Variants in DMRT1 observed in about 807,000 individuals in gnomAD.
DMRT1 encodes doublesex- and mab-3-related transcription factor 1.
DMRT1 carries 7 observed loss-of-function variants against 32.3 expected under a neutral mutation model. The observed-to-expected ratio is 0.22, with a 90% confidence interval of 0.12 to 0.41. DMRT1 has a LOEUF of 0.41. Ranked by LOEUF, DMRT1 falls within the 10% of genes least tolerant of loss-of-function variation. DMRT1 has a pLI of 1.00. For missense variants in DMRT1, 625 were observed against 500.5 expected (o/e 1.25, Z -2.37); for synonymous variants, 278 against 206.1 (o/e 1.35, Z -2.99).
chr9:873,021 G>GA (rs1816340154), intron 2 of DMRT1, among the ~76,000 whole-genome samples: 1 of 152,184 alleles, frequency 6.6e-6, no homozygotes, highest in South Asian at 2.1e-4. Context: ...AACACTCACA[G>GA]ACACACCCCA....
At chr9:929,023 T>C (rs1006789772) in intron 4 of DMRT1, among the ~76,000 whole-genome samples, 7 of 151,690 alleles carry the variant, frequency 4.6e-5, no homozygotes, top group Non-Finnish European at 7.4e-5. Flanking sequence ...ATTTTTAGTA[T>C]AGATGGGGTT....
At chr9:907,849 GTGT>G (rs925768929) in intron 3 of DMRT1, among the ~76,000 whole-genome samples, 31 of 151,708 alleles carry the variant, frequency 2.0e-4, no homozygotes, top group Non-Finnish European at 4.3e-4. Flanking sequence ...GTGTGTGTGT[GTGT>G]GTGTGTTATA....
At chr9:889,820 A>C (rs936192695) in intron 2 of DMRT1, among the ~76,000 whole-genome samples, 4 of 152,142 alleles carry the variant, frequency 2.6e-5, no homozygotes, top group African/African-American at 9.6e-5. Context: ...CTTAAGTGGG[A>C]GGTATTCAGT....
At chr9:927,221 G>A (rs758574942) in intron 4 of DMRT1, among the ~76,000 whole-genome samples, 9 of 152,168 alleles carry the variant, frequency 5.9e-5, no homozygotes, top group African/African-American at 1.4e-4. Flanking sequence ...TCTTTCGGCC[G>A]GCCGCTGTCT....
intron 4 of DMRT1, among the ~76,000 whole-genome samples, chr9:940,210 G>A (rs1819017467): frequency 6.6e-6 from 1 of 151,982 alleles, no homozygotes; most frequent in African/African-American, 2.4e-5. Flanking sequence ...TCTACTTCTA[G>A]ATATATATCC....
At chr9:918,663 G>C (rs544120397) in intron 4 of DMRT1, among the ~76,000 whole-genome samples, 1 of 152,100 alleles carries the variant, frequency 6.6e-6, no homozygotes, top group Non-Finnish European at 1.5e-5. Context: ...TTAACTTCCT[G>C]GTACCCTGCT....
At chr9:877,962 A>G (rs1329046823) in intron 2 of DMRT1, among the ~76,000 whole-genome samples, 2 of 152,226 alleles carry the variant, frequency 1.3e-5, no homozygotes, top group Non-Finnish European at 2.9e-5. Flanking sequence ...ACTGGAGGTC[A>G]GAAAAGCTTC....
chr9:918,868 A>G (rs993452608), intron 4 of DMRT1, among the ~76,000 whole-genome samples: 4 of 152,224 alleles, frequency 2.6e-5, no homozygotes, highest in Admixed American at 2.0e-4. Context: ...TTTATATTGC[A>G]TGAATTTTTA....
At chr9:861,041 A>C (rs1407625978) in intron 2 of DMRT1, among the ~76,000 whole-genome samples, 1 of 134,260 alleles carries the variant, frequency 7.4e-6, no homozygotes, top group Non-Finnish European at 1.5e-5. Context: ...GTGTGATCTA[A>C]TTTACTTTCT....
At chr9:872,632 G>C (rs147395867) in intron 2 of DMRT1, among the ~76,000 whole-genome samples, 1 of 152,164 alleles carries the variant, frequency 6.6e-6, no homozygotes, top group Non-Finnish European at 1.5e-5. Flanking sequence ...AGGTTCATCC[G>C]TGTTGTAGCA....
chr9:967,172 G>A (rs999338895), intron 4 of DMRT1, among the ~76,000 whole-genome samples: 4 of 152,200 alleles, frequency 2.6e-5, no homozygotes, highest in African/African-American at 4.8e-5. Flanking sequence ...AGGGAGTTCT[G>A]GGGGTGGATC....
chr9:939,909 A>C (rs192644873), intron 4 of DMRT1, among the ~76,000 whole-genome samples: 119 of 152,346 alleles, frequency 7.8e-4, no homozygotes, highest in South Asian at 1.5e-3. Flanking sequence ...TGACTTGAAC[A>C]GGCATTTCTC....
At chr9:883,976 C>A (rs1462064065) in intron 2 of DMRT1, among the ~76,000 whole-genome samples, 1 of 152,004 alleles carries the variant, frequency 6.6e-6, no homozygotes, top group Non-Finnish European at 1.5e-5. Context: ...TATGGGGTTA[C>A]AAAGAGAAAA....
At chr9:911,613 C>G (rs1162121572) in intron 3 of DMRT1, among the ~76,000 whole-genome samples, 2 of 150,904 alleles carry the variant, frequency 1.3e-5, no homozygotes, top group African/African-American at 4.9e-5. Context: ...CTGCCTCAGC[C>G]TCCCAAGTAG....
intron 3 of DMRT1, among the ~76,000 whole-genome samples, chr9:904,961 C>T (rs1005839249): frequency 7.1e-6 from 1 of 140,918 alleles, no homozygotes; most frequent in Non-Finnish European, 1.6e-5. Context: ...AAAAAAAAGA[C>T]ACATGTAATT....
chr9:843,651 C>G (rs904008576), intron 1 of DMRT1, among the ~76,000 whole-genome samples: 3 of 152,000 alleles, frequency 2.0e-5, no homozygotes, highest in Admixed American at 2.0e-4. Context: ...CACGTTATTT[C>G]CAGTTAAAAG....
chr9:967,426 T>C (rs1170518017), intron 4 of DMRT1, among the ~76,000 whole-genome samples: 2 of 152,242 alleles, frequency 1.3e-5, no homozygotes, highest in East Asian at 3.8e-4. Flanking sequence ...CCATTTACTG[T>C]CTTTTACTTT....
intron 3 of DMRT1, among the ~76,000 whole-genome samples, chr9:896,724 A>T (rs1214879826): frequency 6.6e-6 from 1 of 151,824 alleles, no homozygotes; most frequent in Non-Finnish European, 1.5e-5. Flanking sequence ...GAGGCAGAAG[A>T]ATCGTCTGAA....
At chr9:904,942 CAA>C (rs71327357) in intron 3 of DMRT1, among the ~76,000 whole-genome samples, 19 of 135,338 alleles carry the variant, frequency 1.4e-4, no homozygotes, top group African/African-American at 2.5e-4. Context: ...AACTCCGTCT[CAA>C]AAAAAAAAAA....
Sources: allele counts gnomAD v4.1 joint callset (sites outside exome capture counted in the v4.1 genomes callset), GRCh38; gene constraint gnomAD v4.1.1; transcripts MANE v1.5; gene names NCBI Gene and HGNC (gene_info 2026-07-23, HGNC 2026-07-21).